The following EYA2 variants were observed in gnomAD, a reference collection of about 807,000 sequenced individuals.
The protein encoded by EYA2 is EYA transcriptional coactivator and phosphatase 2.
Under a neutral mutation model 69.2 loss-of-function variants are expected in EYA2, and 31 were observed. The observed-to-expected ratio is 0.45, with a 90% CI of 0.34 to 0.60. The LOEUF (loss-of-function observed/expected upper bound fraction) is 0.60. Ranked by LOEUF, EYA2 falls within the 20% of genes least tolerant of loss-of-function variation. The probability of loss-of-function intolerance (pLI) is 0.02; values close to 1 mark genes in which losing one functional copy is unlikely to be tolerated. For missense variants in EYA2, 622 were observed against 701.2 expected, an observed-to-expected ratio of 0.89 and a Z score of 1.28; for synonymous variants, 257 against 279.4, an observed-to-expected ratio of 0.92 and a Z score of 0.80.
At chr20:46,910,374 A>T (rs1984584185) in intron 1 of EYA2, among the ~76,000 whole-genome samples, 2 of 152,136 alleles carry the variant, frequency 1.3e-5, no homozygotes, top group Non-Finnish European at 2.9e-5. Flanking sequence ...GGGAAAATCC[A>T]ATCCCCCTTG....
chr20:47,071,980 C>T (rs1341730366), intron 5 of EYA2: 8 of 598,946 alleles, frequency 1.3e-5, no homozygotes, highest in South Asian at 4.0e-5. Context: ...TGGTGGTAGG[C>T]GTCACCAGAG....
intron 11 of EYA2, among the ~76,000 whole-genome samples, chr20:47,172,161 C>T (rs375431553): frequency 1.4e-4 from 21 of 151,874 alleles, no homozygotes; most frequent in East Asian, 7.8e-4. Flanking sequence ...GGACGAGGCA[C>T]GGTGGTGCAT....
At chr20:47,013,110 C>G (rs1983179397) in intron 4 of EYA2, among the ~76,000 whole-genome samples, 1 of 152,070 alleles carries the variant, frequency 6.6e-6, no homozygotes, top group Non-Finnish European at 1.5e-5. Flanking sequence ...ATTCATTTAC[C>G]AGACAATTTT....
chr20:47,116,472 C>A (rs2032896869), intron 9 of EYA2, among the ~76,000 whole-genome samples: 1 of 152,144 alleles, frequency 6.6e-6, no homozygotes, highest in Non-Finnish European at 1.5e-5. Flanking sequence ...GCCACTGCGC[C>A]CGGCCCACCA....
intron 2 of EYA2, among the ~76,000 whole-genome samples, chr20:46,992,328 T>G (rs932854781): frequency 1.3e-5 from 2 of 152,196 alleles, no homozygotes; most frequent in African/African-American, 2.4e-5. Context: ...GCAGCTTGAT[T>G]GAGATGGCAC....
chr20:46,906,145 AT>A (rs1984343803), intron 1 of EYA2, among the ~76,000 whole-genome samples: 1 of 152,148 alleles, frequency 6.6e-6, no homozygotes. Context: ...TGGTTTTACA[AT>A]TTTTTACTGC....
At chr20:46,986,914 A>G (rs1981261609) in intron 1 of EYA2, among the ~76,000 whole-genome samples, 1 of 152,196 alleles carries the variant, frequency 6.6e-6, no homozygotes, top group African/African-American at 2.4e-5. Flanking sequence ...GTTGAAGGGG[A>G]CAAAGTCCAA....
At chr20:47,173,329 C>T (rs551679613) in intron 12 of EYA2, among the ~76,000 whole-genome samples, 2 of 151,784 alleles carry the variant, frequency 1.3e-5, no homozygotes, top group Non-Finnish European at 2.9e-5. Context: ...ATTCCAGAAT[C>T]CCCCTGGAAT....
chr20:46,922,754 G>A (rs138710513), intron 1 of EYA2, among the ~76,000 whole-genome samples: 1 of 152,052 alleles, frequency 6.6e-6, no homozygotes, highest in East Asian at 1.9e-4. Context: ...ATTTGGGGTG[G>A]GGATGTTGAT....
intron 9 of EYA2, among the ~76,000 whole-genome samples, chr20:47,133,193 G>C (rs1343257227): frequency 6.6e-6 from 1 of 152,096 alleles, no homozygotes; most frequent in East Asian, 1.9e-4. Flanking sequence ...GGCTCTGCCT[G>C]TAGGGTGACA....
rs779945744 is a variant in EYA2 at position 47,182,628 on chromosome 20, T to TCAAAAAAAAAAAAAAAA, written c.1436-663_1436-662insCAAAAAAAAAAAAAAAA. Among the ~76,000 whole-genome samples, 446 of 84,124 alleles carry TCAAAAAAAAAAAAAAAA rather than the reference T, an allele frequency of 5.3e-3. 76 individuals carry two copies. The highest frequency in any genetic ancestry group is 9.4e-3 in the African/African-American group (143 of 15,266). The allele number at this position is 84,124 out of a possible 152,430, so 55.2% of individuals were successfully genotyped here. A position where few individuals can be genotyped will look rare whatever the true frequency, so the allele number is the denominator to read the frequency against. The stretch of plus-strand genomic sequence containing the variant: ...TGGGCAACAAGAACGAGACTCCGTC[T>TCAAAAAAAAAAAAAAAA]AAAAAAAAAAAAAAAAGGTTAAGAT... On this transcript the variant is annotated intron_variant, in intron 14 of 15. Coordinates refer to ENST00000327619, the MANE Select transcript of EYA2 (RefSeq NM_005244.5).
At chr20:47,007,764 C>T (rs1982806471) in intron 4 of EYA2, among the ~76,000 whole-genome samples, 1 of 151,966 alleles carries the variant, frequency 6.6e-6, no homozygotes, top group Non-Finnish European at 1.5e-5. Flanking sequence ...TACAGGCACG[C>T]ACTACCTCCC....
intron 1 of EYA2, among the ~76,000 whole-genome samples, chr20:46,910,861 C>G (rs191198125): frequency 1.9e-4 from 29 of 152,338 alleles, no homozygotes; most frequent in Admixed American, 5.2e-4. Flanking sequence ...TGGCTCCCAT[C>G]AAAACATCAC....
rs1568660637 is a variant in EYA2 at position 46,905,532 on chromosome 20, C to CGT, written c.-11+10546_-11+10547dup. Among the ~76,000 whole-genome samples the CGT allele has an allele frequency of 4.6e-5, 7 of 152,312 alleles. No individual in the cohort carries two copies. The South Asian group carries it at 1.5e-3, about 32-fold the overall frequency. ...CTTGAACAGCACATGGAAAAAGTAACGTAAGTGGGTTGCAAAATCCTTTTC... is the reference window on the plus strand; with the variant it reads ...CTTGAACAGCACATGGAAAAAGTAACGTGTAAGTGGGTTGCAAAATCCTTTTC... On this transcript the variant is annotated intron_variant, in intron 1 of 15. Coordinates refer to ENST00000327619, the MANE Select transcript of EYA2 (RefSeq NM_005244.5).
chr20:47,097,016 T>C (rs2032266584), intron 8 of EYA2, 69 bp from the exon 9 acceptor site: 1 of 1,128,352 alleles, frequency 8.9e-7, no homozygotes, highest in Non-Finnish European at 1.3e-6. Context: ...GGGAATGAAT[T>C]TCTGCAGACA....
chr20:46,959,598 C>T (rs1206766), intron 1 of EYA2, among the ~76,000 whole-genome samples: 20,700 of 152,148 alleles, frequency 0.14, 3,256 homozygotes, highest in African/African-American at 0.39. Context: ...ATCACTCTGC[C>T]GTTGGCATCC....
At chr20:47,107,242 T>C (rs1934838) in intron 9 of EYA2, among the ~76,000 whole-genome samples, 98,507 of 151,980 alleles carry the variant, frequency 0.65, 32,193 homozygotes, top group Non-Finnish European at 0.66. Context: ...GAAATGCAAG[T>C]GGCCAGGCAC....
chr20:46,926,787 T>C (rs1985434918), intron 1 of EYA2, among the ~76,000 whole-genome samples: 2 of 152,260 alleles, frequency 1.3e-5, no homozygotes, highest in Non-Finnish European at 2.9e-5. Context: ...TTTTGAATTA[T>C]GTGACTGCCG....
At chr20:46,924,656 C>T (rs868078943) in intron 1 of EYA2, among the ~76,000 whole-genome samples, 1 of 115,348 alleles carries the variant, frequency 8.7e-6, no homozygotes, top group African/African-American at 3.5e-5. Flanking sequence ...GCCAATAGAG[C>T]GAGACTCCAT....
Sources: gnomAD v4.1 joint callset for allele counts (sites outside exome capture counted in the v4.1 genomes callset) on GRCh38, gnomAD v4.1.1 for gene constraint, MANE v1.5 for transcripts, NCBI Gene and HGNC (gene_info 2026-07-23, HGNC 2026-07-21) for gene names.